Variants in CATSPERE observed in about 807,000 individuals in gnomAD.
The protein encoded by CATSPERE is catsper channel auxiliary subunit epsilon, also known as cation channel sperm-associated auxiliary subunit epsilon.
A neutral mutation model predicts 114.1 loss-of-function variants in CATSPERE; 93 were observed. That is an observed-to-expected ratio of 0.81 (90% CI 0.69 to 0.97). The LOEUF (loss-of-function observed/expected upper bound fraction) is 0.97. Ranked by LOEUF, CATSPERE falls within the 50% of genes least tolerant of loss-of-function variation. CATSPERE has a pLI of 0.00. For missense variants in CATSPERE, 1,058 were observed against 1,131.6 expected (o/e 0.93, Z 0.93); for synonymous variants, 341 against 384.1 (o/e 0.89, Z 1.31).
intron 9 of CATSPERE, among the ~76,000 whole-genome samples, chr1:244,556,942 G>A (rs1661674447): frequency 6.6e-6 from 1 of 151,922 alleles, no homozygotes; most frequent in African/African-American, 2.4e-5. Flanking sequence ...TTTACATGTG[G>A]ATATCCTGTT....
chr1:244,589,862 T>A (rs1292636668), intron 14 of CATSPERE, among the ~76,000 whole-genome samples: 3 of 152,154 alleles, frequency 2.0e-5, no homozygotes, highest in African/African-American at 7.2e-5. Flanking sequence ...AAAACATGGA[T>A]TTTAGGACCT....
intron 20 of CATSPERE, among the ~76,000 whole-genome samples, chr1:244,619,883 CTA>C (rs1223795914): frequency 6.6e-6 from 1 of 152,076 alleles, no homozygotes; most frequent in Non-Finnish European, 1.5e-5. Context: ...ATACATGAGA[CTA>C]AAACTATTAG....
chr1:244,540,582 A>G (rs1658509912), intron 8 of CATSPERE, among the ~76,000 whole-genome samples: 1 of 149,076 alleles, frequency 6.7e-6, no homozygotes, highest in East Asian at 2.0e-4. Flanking sequence ...ATACTGCCCA[A>G]GGTAATTTAT....
At position 244,552,820 on chromosome 1, in the gene CATSPERE, T is replaced by C. The variant is rs771425574; in HGVS notation, c.1029+6T>C. The C allele has an allele frequency of 4.5e-6, 6 of 1,327,442 alleles. No homozygotes were observed. The highest frequency in any genetic ancestry group is 6.0e-6 in the Non-Finnish European group (6 of 1,003,172). The allele number at this position is 1,327,442 out of a possible 1,614,324, so 82.2% of individuals were successfully genotyped here. On this transcript the variant is annotated splice_donor_region_variant and intron_variant, in intron 9 of 21. Coordinates refer to ENST00000366534, the MANE Select transcript of CATSPERE (RefSeq NM_001130957.2). ...GGGTCAATTATTTATTAAAGGTTAG[T>C]AAAAGATATTTTATATTTTATAAAT...
intron 18 of CATSPERE, among the ~76,000 whole-genome samples, chr1:244,606,300 C>T (rs1035211927): frequency 7.9e-5 from 12 of 152,086 alleles, no homozygotes; most frequent in African/African-American, 2.2e-4. Context: ...CTTTGTAGGC[C>T]GCAGCAGAGT....
chr1:244,540,687 T>C lies in CATSPERE; in HGVS notation c.537-11635T>C, dbSNP rs1299429166. Among the ~76,000 whole-genome samples, 397 of 145,918 alleles carry C rather than the reference T, an allele frequency of 2.7e-3. 3 individuals carry two copies. The highest frequency in any genetic ancestry group is 0.015 in the South Asian group (64 of 4,382). ...GTTCATATGGAACCAAAAAAGAGCC[T>C]GCATCGCCAAGTCAATCCTAAGCCA... is the stretch of plus-strand genomic sequence containing the variant. On this transcript the variant is annotated intron_variant, in intron 8 of 21. Coordinates refer to ENST00000366534, the MANE Select transcript of CATSPERE (RefSeq NM_001130957.2).
At chr1:244,522,757 CACAT>C (rs1372302433) in intron 8 of CATSPERE, among the ~76,000 whole-genome samples, 1 of 152,154 alleles carries the variant, frequency 6.6e-6, no homozygotes, top group East Asian at 1.9e-4. Context: ...AATTCCTCGA[CACAT>C]ACACTCTCCC....
chr1:244,542,040 G>A (rs1392477445), intron 8 of CATSPERE, among the ~76,000 whole-genome samples: 22 of 148,594 alleles, frequency 1.5e-4, no homozygotes, highest in African/African-American at 5.2e-4. Context: ...ATAGCATTGG[G>A]AGATATACCT....
intron 17 of CATSPERE, among the ~76,000 whole-genome samples, chr1:244,594,923 A>T (rs545363865): frequency 6.6e-6 from 1 of 152,180 alleles, no homozygotes; most frequent in East Asian, 1.9e-4. Context: ...CTATCCAGCT[A>T]ATCTGCTTGC....
chr1:244,605,590 A>T, intron 17 of CATSPERE, 105 bp from the exon 18 acceptor site: 1 of 652,850 alleles, frequency 1.5e-6, no homozygotes, highest in Middle Eastern at 4.2e-4. Context: ...TTATGAAGTG[A>T]TAAAGACAGG....
chr1:244,600,617 A>G (rs1474566046), intron 17 of CATSPERE, among the ~76,000 whole-genome samples: 1 of 152,188 alleles, frequency 6.6e-6, no homozygotes, highest in Non-Finnish European at 1.5e-5. Context: ...CCCTAAGCAA[A>G]CCCCTTGAAA....
chr1:244,461,664 C>A, intron 1 of CATSPERE, 170 bp downstream of exon 1: 2 of 461,822 alleles, frequency 4.3e-6, no homozygotes, highest in Non-Finnish European at 7.1e-6. Flanking sequence ...CCGCTCCCAC[C>A]CGAGAGTTTT....
At chr1:244,566,795 G>T (rs780128534) in intron 10 of CATSPERE, among the ~76,000 whole-genome samples, 7 of 150,220 alleles carry the variant, frequency 4.7e-5, no homozygotes, top group African/African-American at 7.3e-5. Context: ...CTTGACTCTT[G>T]ATCCAATTTG....
upstream of CATSPERE, chr1:244,451,907 G>C (rs540116614): frequency 4.5e-6 from 6 of 1,320,216 alleles, no homozygotes; most frequent in Non-Finnish European, 6.0e-6. The surrounding 1 kb of genome is among the most constrained non-coding windows in gnomAD (Gnocchi z 6.6). Context: ...GCCACATGCA[G>C]AGGAAGAAGG....
intron 8 of CATSPERE, among the ~76,000 whole-genome samples, chr1:244,527,225 T>G (rs949440528): frequency 9.2e-5 from 14 of 152,122 alleles, no homozygotes; most frequent in Admixed American, 3.9e-4. Flanking sequence ...TACAGGAGAC[T>G]GGGGCTTATT....
intron 17 of CATSPERE, among the ~76,000 whole-genome samples, chr1:244,597,037 C>A (rs936614703): frequency 2.6e-5 from 4 of 152,144 alleles, no homozygotes; most frequent in Non-Finnish European, 5.9e-5. Context: ...TAAGCTAGAT[C>A]CCCACCGGTT....
intron 4 of CATSPERE, 58 bp from the exon 5 acceptor site, chr1:244,479,659 C>A: frequency 9.6e-7 from 1 of 1,040,690 alleles, no homozygotes; most frequent in Non-Finnish European, 1.5e-6. Context: ...TGGCTATATC[C>A]ATATTTGCAT....
intron 3 of CATSPERE, 125 bp downstream of exon 3, chr1:244,477,739 C>A: frequency 3.2e-6 from 3 of 943,254 alleles, no homozygotes; most frequent in Non-Finnish European, 3.3e-6. Context: ...ATGTGAAAAG[C>A]AAGACAAAAT....
In CATSPERE at chr1:244,477,567, A is replaced by G. The variant is rs767110831; in HGVS notation, c.141A>G (p.Leu47=). ...STIKLEYEGT[L]FTEWSVPETC... ...TTAAGTTAGAGTATGAAGGAACATT[A>G]TTTACTGAGTGGAGTGTGCCAGAAA... is the stretch of plus-strand genomic sequence containing the variant. The change falls in exon 3 of 22, where the codon TTA becomes TTG. Residue 47 remains leucine, a synonymous_variant. Transcript: ENST00000366534. 1.9e-6 allele frequency: 3 copies of G among 1,600,514 alleles called. No homozygotes were observed. In the African/African-American group the frequency reaches 4.0e-5, roughly 21 times the overall value.
Sources: allele counts gnomAD v4.1 joint callset (sites outside exome capture counted in the v4.1 genomes callset), GRCh38; gene constraint gnomAD v4.1.1; non-coding constraint Gnocchi (gnomAD v3.1); transcripts MANE v1.5; gene names NCBI Gene and HGNC (gene_info 2026-07-23, HGNC 2026-07-21).